DMD: variants seen among roughly 807,000 people sequenced by gnomAD.
DMD encodes the protein dystrophin.
In DMD, 63 loss-of-function variants were observed where a neutral mutation model predicts 330.1. The observed-to-expected ratio is 0.19, with a 90% CI of 0.16 to 0.24. The LOEUF (loss-of-function observed/expected upper bound fraction) is 0.24, where lower values mean the gene tolerates loss of function less well. Among genes scored for constraint, DMD ranks in the 10% least tolerant of loss-of-function variants. The pLI is 1.00. For missense variants in DMD, 3,344 were observed against 2,684.1 expected (o/e 1.25, Z -5.43); for synonymous variants, 1,223 against 959.8 (o/e 1.27, Z -5.07).
chrX:33,321,932 T>C (rs1237006869), intron 1 of DMD, among the ~76,000 whole-genome samples: 1 of 111,846 alleles, frequency 8.9e-6, no homozygotes, highest in African/African-American at 3.2e-5. Context: ...GCTTCCAACT[T>C]TTCTTCTGCA....
intron 41 of DMD, among the ~76,000 whole-genome samples, chrX:32,319,094 G>A (rs2097597185): frequency 9.0e-6 from 1 of 111,416 alleles, no homozygotes; most frequent in Non-Finnish European, 1.9e-5. Flanking sequence ...TCGTTTCAAA[G>A]GACAACATTT....
At chrX:32,637,010 A>C (rs1405921716) in intron 11 of DMD, among the ~76,000 whole-genome samples, 1 of 110,838 alleles carries the variant, frequency 9.0e-6, no homozygotes, top group Non-Finnish European at 1.9e-5. Flanking sequence ...AAAAAAGAAA[A>C]AGAAAAAGAA....
intron 74 of DMD, among the ~76,000 whole-genome samples, chrX:31,151,358 T>C (rs1165880590): frequency 8.9e-6 from 1 of 112,494 alleles, no homozygotes; most frequent in African/African-American, 3.2e-5. Flanking sequence ...TTCTACCAGA[T>C]TGGGGCAGCC....
At chrX:31,355,727 A>T (rs756258379) in intron 60 of DMD, among the ~76,000 whole-genome samples, 1 of 111,256 alleles carries the variant, frequency 9.0e-6, no homozygotes, top group South Asian at 3.8e-4. Flanking sequence ...ACTCATAAAT[A>T]CGTGCCCAAA....
chrX:32,242,427 G>A (rs935217096), intron 43 of DMD, among the ~76,000 whole-genome samples: 1 of 111,624 alleles, frequency 9.0e-6, no homozygotes, highest in African/African-American at 3.3e-5. Context: ...TTCTGCATAT[G>A]CTTTATTACC....
At chrX:32,801,689 G>A (rs951479388) in intron 7 of DMD, among the ~76,000 whole-genome samples, 1 of 111,869 alleles carries the variant, frequency 8.9e-6, no homozygotes, top group Non-Finnish European at 1.9e-5. Context: ...TTTTGTATAA[G>A]GGGTAAGGAA....
At chrX:32,804,364 C>G (rs1398761972) in intron 7 of DMD, among the ~76,000 whole-genome samples, 2 of 112,314 alleles carry the variant, frequency 1.8e-5, no homozygotes, top group African/African-American at 3.2e-5. Context: ...CTGGGAAGTT[C>G]AAACTGGGCA....
At chrX:32,515,665 TGA>T (rs1337922752) in intron 18 of DMD, among the ~76,000 whole-genome samples, 1 of 111,956 alleles carries the variant, frequency 8.9e-6, no homozygotes, top group African/African-American at 3.2e-5. Flanking sequence ...TAAAAGAATG[TGA>T]GAGGTAACTG....
chrX:32,135,410 A>T (rs2096719724), intron 44 of DMD, among the ~76,000 whole-genome samples: 1 of 112,813 alleles, frequency 8.9e-6, no homozygotes, highest in Non-Finnish European at 1.9e-5. Flanking sequence ...ATTTTTATTG[A>T]CATGCATCTT....
intron 1 of DMD, among the ~76,000 whole-genome samples, chrX:33,149,255 C>T (rs2048170137): frequency 9.0e-6 from 1 of 111,391 alleles, no homozygotes; most frequent in Non-Finnish European, 1.9e-5. Flanking sequence ...CATCATCAGT[C>T]ACTAGATTGC....
At chrX:31,989,758 G>A (rs1291079023) in intron 44 of DMD, among the ~76,000 whole-genome samples, 1 of 111,492 alleles carries the variant, frequency 9.0e-6, no homozygotes, top group East Asian at 2.8e-4. Context: ...TTTTAAAAAT[G>A]AGAAAGCTTG....
At chrX:31,239,265 T>G (rs777041810) in intron 63 of DMD, among the ~76,000 whole-genome samples, 100 of 112,420 alleles carry the variant, frequency 8.9e-4, no homozygotes, top group African/African-American at 3.2e-3. Flanking sequence ...TAATGGTTAC[T>G]GGGCAACCAG....
intron 33 of DMD, among the ~76,000 whole-genome samples, chrX:32,381,762 T>G (rs765874019): frequency 9.0e-6 from 1 of 111,313 alleles, no homozygotes; most frequent in East Asian, 2.8e-4. Context: ...TGCTCCTGGT[T>G]TTCTTTTCTT....
At chrX:32,228,198 C>G (rs1036271297) in intron 43 of DMD, among the ~76,000 whole-genome samples, 2 of 111,052 alleles carry the variant, frequency 1.8e-5, no homozygotes, top group East Asian at 5.6e-4. Flanking sequence ...TTAGTAATAA[C>G]AAAGAAAGCA....
At chrX:33,217,698 G>A (rs1346998360) in intron 1 of DMD, among the ~76,000 whole-genome samples, 3 of 111,621 alleles carry the variant, frequency 2.7e-5, no homozygotes, top group African/African-American at 9.7e-5. Flanking sequence ...ATATAGATAC[G>A]ATGTTGTACA....
At chrX:33,279,582 G>A (rs2053291926) in intron 1 of DMD, among the ~76,000 whole-genome samples, 1 of 110,260 alleles carries the variant, frequency 9.1e-6, no homozygotes, top group African/African-American at 3.3e-5. Flanking sequence ...TGATTAAGAG[G>A]GCAATTGCTG....
intron 44 of DMD, among the ~76,000 whole-genome samples, chrX:31,998,975 C>T (rs1434606752): frequency 9.0e-6 from 1 of 111,361 alleles, no homozygotes; most frequent in Admixed American, 9.5e-5. Flanking sequence ...ATGATCAATT[C>T]ATCTCATCAC....
chrX:32,681,961 G>T (rs1417878257), intron 9 of DMD, among the ~76,000 whole-genome samples: 1 of 111,622 alleles, frequency 9.0e-6, no homozygotes, highest in Non-Finnish European at 1.9e-5. Flanking sequence ...CATGTGTAAA[G>T]TCACTGAACT....
At chrX:32,342,015 TTG>T in intron 41 of DMD, 83 bp downstream of exon 41, 3 of 947,275 alleles carry the variant, frequency 3.2e-6, no homozygotes, top group Non-Finnish European at 4.3e-6. Flanking sequence ...CCCAGATTTT[TTG>T]TCTCTTTTTT....
Sources: gnomAD v4.1 joint callset for allele counts (sites outside exome capture counted in the v4.1 genomes callset) on GRCh38, gnomAD v4.1.1 for gene constraint, MANE v1.5 for transcripts, NCBI Gene and HGNC (gene_info 2026-07-23, HGNC 2026-07-21) for gene names.